Variants in DEUP1 observed in about 807,000 individuals in gnomAD.
DEUP1 encodes coiled-coil domain containing 67.
Under a neutral mutation model 87.4 loss-of-function variants are expected in DEUP1, and 82 were observed. The observed-to-expected ratio is 0.94, with a 90% CI of 0.78 to 1.13. The LOEUF (loss-of-function observed/expected upper bound fraction) is 1.13. Among genes scored for constraint, DEUP1 ranks in the 50% most tolerant of loss-of-function variants. The pLI is 0.00. For missense variants in DEUP1, 663 were observed against 681.5 expected (o/e 0.97, Z 0.30); for synonymous variants, 214 against 222.7 (o/e 0.96, Z 0.35).
intron 2 of DEUP1, among the ~76,000 whole-genome samples, chr11:93,336,617 C>A (rs1591072395): frequency 1.5e-5 from 1 of 68,296 alleles, no homozygotes; most frequent in Non-Finnish European, 4.1e-5. Context: ...TTGACCTTAA[C>A]CCCCCCAGTT....
Position 93,371,166 on chromosome 11 carries a change from C to A in DEUP1, c.675C>A (p.Phe225Leu). The A allele has an allele frequency of 1.2e-6, 2 of 1,613,038 alleles. No individual in the cohort carries two copies. Among genetic ancestry groups the A allele is most frequent in the Non-Finnish European group, 1.7e-6 (2 of 1,179,480 alleles). The change falls in exon 7 of 14, where the codon TTC becomes TTA. Residue 225 changes from phenylalanine to leucine, a missense_variant. Physicochemically the swap from Phe to Leu is conservative, Grantham distance 22. Transcript: ENST00000298050. ...PNCEINERDE[F>L]IIEKLKSAVN... ...GTGAAATCAATGAAAGAGATGAGTT[C>A]ATTATTGAAAAACTGAAATCAGCTG...
intron 13 of DEUP1, among the ~76,000 whole-genome samples, chr11:93,419,717 A>G (rs933744337): frequency 5.3e-5 from 8 of 152,072 alleles, no homozygotes; most frequent in Non-Finnish European, 1.2e-4. Context: ...AAAGTACTGT[A>G]TAAAGAACTA....
intron 3 of DEUP1, 130 bp from the exon 4 acceptor site, chr11:93,356,818 G>A: frequency 3.0e-6 from 2 of 668,218 alleles, no homozygotes; most frequent in Non-Finnish European, 5.4e-6. Context: ...ATTTTAAGAA[G>A]TGCAGTACAA....
chr11:93,349,849 G>T (rs893978085), intron 2 of DEUP1, among the ~76,000 whole-genome samples: 4 of 152,130 alleles, frequency 2.6e-5, no homozygotes, highest in African/African-American at 4.8e-5. Flanking sequence ...GCTATACCAA[G>T]GGAGTCACCC....
At chr11:93,376,773 T>A (rs1394223196) in intron 7 of DEUP1, among the ~76,000 whole-genome samples, 1 of 152,220 alleles carries the variant, frequency 6.6e-6, no homozygotes, top group Non-Finnish European at 1.5e-5. Context: ...AACTTTCCTC[T>A]TAGTACTGCT....
chr11:93,397,405 A>G (rs961233897), intron 11 of DEUP1, among the ~76,000 whole-genome samples: 1 of 152,190 alleles, frequency 6.6e-6, no homozygotes, highest in Middle Eastern at 3.2e-3. Context: ...TGTGTCATCT[A>G]TGACATTTTT....
intron 9 of DEUP1, among the ~76,000 whole-genome samples, chr11:93,391,590 C>A (rs1946766528): frequency 6.6e-6 from 1 of 151,698 alleles, no homozygotes; most frequent in Admixed American, 6.6e-5. Flanking sequence ...CACCTGTAGT[C>A]CCAGCTACTC....
rs368669149 is a variant in DEUP1, at chr11:93,371,155, A to G, written c.664A>G (p.Arg222Gly). The G allele has an allele frequency of 6.2e-7, 1 of 1,613,342 alleles. No individual in the cohort carries two copies. The highest frequency in any genetic ancestry group is 8.5e-7 in the Non-Finnish European group (1 of 1,179,570). ...AGATCCCAATTGTGAAATCAATGAA[A>G]GAGATGAGTTCATTATTGAAAAACT... ...DPDPNCEINE[R>G]DEFIIEKLKS... The change falls in exon 7 of 14, where the codon AGA becomes GGA. Residue 222 changes from arginine to glycine, a missense_variant. Arg to Gly is a moderately radical substitution (Grantham distance 125). Coordinates refer to ENST00000298050, the MANE Select transcript of DEUP1 (RefSeq NM_181645.4).
At chr11:93,357,442 T>A (rs7952273) in intron 4 of DEUP1, 50,195 of 159,040 alleles carry the variant, frequency 0.32, 8,861 homozygotes, top group Non-Finnish European at 0.41. Flanking sequence ...ATGAAATAGA[T>A]AATTGAAATA....
At chr11:93,436,860 ATGT>A (rs1948261559) in intron 13 of DEUP1, among the ~76,000 whole-genome samples, 1 of 152,186 alleles carries the variant, frequency 6.6e-6, no homozygotes, top group African/African-American at 2.4e-5. Flanking sequence ...AAATTATCTG[ATGT>A]TGTCCTTTAT....
At chr11:93,344,222 T>C (rs980176444) in intron 2 of DEUP1, among the ~76,000 whole-genome samples, 2 of 152,032 alleles carry the variant, frequency 1.3e-5, no homozygotes, top group Non-Finnish European at 2.9e-5. Context: ...TGCTGGGGGT[T>C]CTCCCCATTT....
At chr11:93,335,592 G>T (rs914692681) in intron 2 of DEUP1, among the ~76,000 whole-genome samples, 1 of 152,042 alleles carries the variant, frequency 6.6e-6, no homozygotes. Flanking sequence ...ATGTGTCAAG[G>T]TTTATGCGTA....
At chr11:93,370,617 G>A (rs530678166) in intron 6 of DEUP1, among the ~76,000 whole-genome samples, 58 of 152,242 alleles carry the variant, frequency 3.8e-4, no homozygotes, top group African/African-American at 1.3e-3. Flanking sequence ...TCTTATTGAT[G>A]TGTAGAAGTG....
At chr11:93,399,809 T>C (rs1947061307) in intron 11 of DEUP1, among the ~76,000 whole-genome samples, 1 of 151,698 alleles carries the variant, frequency 6.6e-6, no homozygotes, top group African/African-American at 2.4e-5. Context: ...TGGCTCATAG[T>C]AGGTTTTTTT....
intron 2 of DEUP1, among the ~76,000 whole-genome samples, chr11:93,350,887 C>T (rs1478137794): frequency 2.6e-5 from 4 of 151,616 alleles, no homozygotes; most frequent in South Asian, 2.1e-4. Context: ...ACCCAGGAGG[C>T]GGAGGTGGTA....
At chr11:93,361,564 A>G (rs72643372) in intron 4 of DEUP1, among the ~76,000 whole-genome samples, 11,612 of 152,164 alleles carry the variant, frequency 0.076, 596 homozygotes, top group Middle Eastern at 0.16. Context: ...GATGTCAAAC[A>G]CCAATAGACT....
At chr11:93,433,179 A>C (rs146430134) in intron 13 of DEUP1, among the ~76,000 whole-genome samples, 1 of 152,292 alleles carries the variant, frequency 6.6e-6, no homozygotes, top group African/African-American at 2.4e-5. Context: ...TAACTAAAAA[A>C]TTTTATTGAA....
chr11:93,389,575 G>C (rs1946705234), intron 9 of DEUP1, among the ~76,000 whole-genome samples: 1 of 151,736 alleles, frequency 6.6e-6, no homozygotes, highest in African/African-American at 2.4e-5. Context: ...GCCAGGAACT[G>C]TTCTAAGGAC....
chr11:93,357,855 T>G (rs774067641), intron 4 of DEUP1, among the ~76,000 whole-genome samples: 2 of 152,182 alleles, frequency 1.3e-5, no homozygotes, highest in Non-Finnish European at 2.9e-5. Context: ...AAACATTTGA[T>G]GCCATTTAAC....
Sources: gnomAD v4.1 joint callset for allele counts (sites outside exome capture counted in the v4.1 genomes callset) on GRCh38, gnomAD v4.1.1 for gene constraint, MANE v1.5 for transcripts, NCBI Gene and HGNC (gene_info 2026-07-23, HGNC 2026-07-21) for gene names.